SSPN: variants seen among roughly 807,000 people sequenced by gnomAD.
The protein encoded by SSPN is K-ras oncogene-associated protein.
A neutral mutation model predicts 19.1 loss-of-function variants in SSPN; 15 were observed. The ratio of observed to expected loss-of-function variants is 0.78; its 90% CI spans 0.52 to 1.21. The LOEUF (loss-of-function observed/expected upper bound fraction) is 1.21, where lower values mean the gene tolerates loss of function less well. Among genes scored for constraint, SSPN ranks in the 50% most tolerant of loss-of-function variants. The probability of loss-of-function intolerance (pLI) is 0.00; values close to 1 mark genes in which losing one functional copy is unlikely to be tolerated. For synonymous variants in SSPN, 147 were observed against 140.3 expected, an observed-to-expected ratio of 1.05 and a Z score of -0.34; for missense variants, 291 against 314.0, an observed-to-expected ratio of 0.93 and a Z score of 0.55.
At chr12:26,166,209 G>A (rs1407365989) in intron 1 of SSPN, among the ~76,000 whole-genome samples, 2 of 152,042 alleles carry the variant, frequency 1.3e-5, no homozygotes, top group African/African-American at 2.4e-5. Context: ...ACCATGGCAC[G>A]TGTATACCTA....
rs776328298 is a variant in SSPN, at chr12:26,225,323, GGAT to G, written c.366+948_366+950del. Among the ~76,000 whole-genome samples, 4 of 151,752 alleles carry G rather than the reference GGAT, an allele frequency of 2.6e-5. No individual in the cohort carries two copies. The East Asian group carries it at 5.8e-4, about 22-fold the overall frequency. On this transcript the variant is annotated intron_variant, in intron 2 of 2. Transcript: ENST00000242729. ...AAGCTGTTGACATAAAAAAGCAAAGGGATGATATCTTTTAAAATCATGCTATAA... is the reference window on the plus strand; with the variant it reads ...AAGCTGTTGACATAAAAAAGCAAAGGGATATCTTTTAAAATCATGCTATAA...
Position 26,198,251 on chromosome 12 carries a change from C to G in SSPN, c.279+2300C>G, listed in dbSNP as rs984503084. ...CGATTTTGGTTCACTGCAACCTCCC[C>G]CTCCCAGGTTCAAGACGTTCTCGTG... On this transcript the variant is annotated intron_variant, in intron 1 of 2. Coordinates refer to ENST00000242729, the MANE Select transcript of SSPN (RefSeq NM_005086.5). 3.3e-5 allele frequency among the ~76,000 whole-genome samples: 5 copies of G among 152,172 alleles called. No individual in the cohort carries two copies. The East Asian group carries it at 7.7e-4, about 23-fold the overall frequency.
chr12:26,128,159 G>C (rs1944377637), intron 1 of SSPN, among the ~76,000 whole-genome samples: 1 of 152,216 alleles, frequency 6.6e-6, no homozygotes, highest in Non-Finnish European at 1.5e-5. Context: ...ATAGTGAGTG[G>C]TAAGGTATAA....
At chr12:26,151,082 G>A (rs948059252) in intron 1 of SSPN, among the ~76,000 whole-genome samples, 13 of 152,026 alleles carry the variant, frequency 8.6e-5, no homozygotes, top group Non-Finnish European at 1.6e-4. Context: ...TGGGATTTTC[G>A]GGTGGAACTT....
At chr12:26,219,805 A>C (rs1219684732) in intron 1 of SSPN, among the ~76,000 whole-genome samples, 1 of 152,208 alleles carries the variant, frequency 6.6e-6, no homozygotes, top group Non-Finnish European at 1.5e-5. Flanking sequence ...TAGCCTTCCC[A>C]GTGCCACACA....
intron 1 of SSPN, among the ~76,000 whole-genome samples, chr12:26,185,749 G>A (rs111842790): frequency 1.1e-4 from 16 of 152,232 alleles, no homozygotes; most frequent in African/African-American, 1.9e-4. Context: ...ATCAGTTCCC[G>A]GCACATTTCC....
At position 26,231,132 on chromosome 12, in the gene SSPN, A is replaced by G; in HGVS notation, c.*56A>G. ...GCACATGGAGTAGCTGAGGTTAAAC[A>G]AACAAAAAAAAATTTTAAACAAAGA... On this transcript the variant is annotated 3_prime_UTR_variant, in exon 3 of 3. Transcript: ENST00000242729. The G allele has an allele frequency of 1.4e-6, 2 of 1,477,088 alleles. No homozygotes were observed. Among genetic ancestry groups the G allele is most frequent in the South Asian group, 3.1e-5 (2 of 65,036 alleles). The allele number at this position is 1,477,088 out of a possible 1,614,324, so 91.5% of individuals were successfully genotyped here.
chr12:26,184,082 G>A (rs1165375508), intron 1 of SSPN, among the ~76,000 whole-genome samples: 3 of 152,174 alleles, frequency 2.0e-5, no homozygotes, highest in African/African-American at 7.2e-5. Context: ...AGGGTATGCT[G>A]GAATCCAATA....
intron 1 of SSPN, among the ~76,000 whole-genome samples, chr12:26,203,210 A>G (rs1944901668): frequency 6.6e-6 from 1 of 152,226 alleles, no homozygotes; most frequent in South Asian, 2.1e-4. Context: ...CATATCAGAC[A>G]GGAATGTAAT....
intron 1 of SSPN, among the ~76,000 whole-genome samples, chr12:26,184,226 T>G (rs1006566392): frequency 6.6e-6 from 1 of 152,238 alleles, no homozygotes; most frequent in Admixed American, 6.5e-5. Context: ...TGCAAAGCAC[T>G]GTGTATATTT....
chr12:26,208,114 G>A (rs765337784), intron 1 of SSPN, among the ~76,000 whole-genome samples: 32 of 152,058 alleles, frequency 2.1e-4, no homozygotes, highest in Non-Finnish European at 3.8e-4. Context: ...GTGTTACAGT[G>A]GATATTCTTG....
intron 1 of SSPN, among the ~76,000 whole-genome samples, chr12:26,208,007 A>G (rs981415068): frequency 1.9e-5 from 2 of 103,030 alleles, no homozygotes; most frequent in African/African-American, 7.0e-5. Flanking sequence ...CTCAAAAGAA[A>G]GTGGTGGTGG....
At chr12:26,207,188 A>C (rs1458053163) in intron 1 of SSPN, among the ~76,000 whole-genome samples, 3 of 152,222 alleles carry the variant, frequency 2.0e-5, no homozygotes, top group Non-Finnish European at 4.4e-5. Flanking sequence ...ATTTTCCAAA[A>C]AATATTTGGT....
chr12:26,232,885 A>G lies in SSPN; in HGVS notation c.*1809A>G, dbSNP rs1196252682. 1 of 172,994 alleles carries G rather than the reference A, an allele frequency of 5.8e-6. No individual in the cohort carries two copies. Among genetic ancestry groups the G allele is most frequent in the Non-Finnish European group, 1.1e-5 (1 of 88,128 alleles). The allele number at this position is 172,994 out of a possible 1,614,324, so 10.7% of individuals were successfully genotyped here. On this transcript the variant is annotated 3_prime_UTR_variant, in exon 3 of 3. Coordinates refer to ENST00000242729, the MANE Select transcript of SSPN (RefSeq NM_005086.5). The stretch of plus-strand genomic sequence containing the variant: ...TATCACACACAAAAGTTACACCAAC[A>G]GAATACCAAGCAGAATGATGAGGAC...
At position 26,131,521 on chromosome 12, in the gene SSPN, C is replaced by T. The variant is rs144779612; in HGVS notation, c.-31+9369C>T. On this transcript the variant is annotated intron_variant, in intron 1 of 2. Transcript: ENST00000538142. ...CCTTGAATGCATCTAGGATTTTGCACTTCATTCACTTCTAGCCACACTTAT... is the reference window on the plus strand; with the variant it reads ...CCTTGAATGCATCTAGGATTTTGCATTTCATTCACTTCTAGCCACACTTAT... Among the ~76,000 whole-genome samples the T allele has an allele frequency of 3.2e-4, 48 of 152,330 alleles. No individual in the cohort carries two copies. The East Asian group carries it at 6.9e-3, about 22-fold the overall frequency.
chr12:26,125,147 G>A, intron 1 of SSPN: 3 of 374,632 alleles, frequency 8.0e-6, no homozygotes, highest in Non-Finnish European at 1.5e-5. Context: ...CGGGCCGGGC[G>A]GGGGCGTCGG....
intron 1 of SSPN, among the ~76,000 whole-genome samples, chr12:26,136,008 C>T (rs1944423030): frequency 6.6e-6 from 1 of 152,164 alleles, no homozygotes; most frequent in African/African-American, 2.4e-5. Flanking sequence ...TCTGTGGGCT[C>T]CCATCCATGG....
intron 1 of SSPN, chr12:26,125,809 G>A (rs920902965): frequency 4.6e-5 from 7 of 151,606 alleles, no homozygotes; most frequent in African/African-American, 7.3e-5. Flanking sequence ...GAAGGGAGAA[G>A]GGGGTGGCAC....
intron 1 of SSPN, among the ~76,000 whole-genome samples, chr12:26,139,689 A>G (rs1192523757): frequency 6.6e-6 from 1 of 152,228 alleles, no homozygotes. Flanking sequence ...GGTAAATAGT[A>G]AGATAATAGT....
Sources: gnomAD v4.1 joint callset for allele counts (sites outside exome capture counted in the v4.1 genomes callset) on GRCh38, gnomAD v4.1.1 for gene constraint, MANE v1.5 for transcripts, NCBI Gene and HGNC (gene_info 2026-07-23, HGNC 2026-07-21) for gene names.